CALN1: variants seen among roughly 807,000 people sequenced by gnomAD.
CALN1 encodes calneuron 1.
Under a neutral mutation model 30.6 loss-of-function variants are expected in CALN1, and 17 were observed. The observed-to-expected ratio is 0.56, with a 90% CI of 0.38 to 0.83. CALN1 has a LOEUF of 0.83. Among genes scored for constraint, CALN1 ranks in the 40% least tolerant of loss-of-function variants. The pLI, the probability that CALN1 is intolerant of heterozygous loss-of-function variation, is 0.00. For missense variants in CALN1, 291 were observed against 354.9 expected (o/e 0.82, Z 1.45); for synonymous variants, 156 against 131.4 (o/e 1.19, Z -1.28).
chr7:72,127,941 GA>G (rs1189390818), intron 3 of CALN1, among the ~76,000 whole-genome samples: 1 of 152,132 alleles, frequency 6.6e-6, no homozygotes, highest in Non-Finnish European at 1.5e-5. Flanking sequence ...GAAATGATAT[GA>G]CATATGGGTT....
intron 3 of CALN1, among the ~76,000 whole-genome samples, chr7:72,251,150 C>A (rs1319679943): frequency 6.6e-6 from 1 of 152,150 alleles, no homozygotes; most frequent in Admixed American, 6.5e-5. Flanking sequence ...GTACCCTAAG[C>A]CCTCAGACCT....
chr7:72,344,750 T>C (rs1200847215), intron 2 of CALN1, among the ~76,000 whole-genome samples: 1 of 147,470 alleles, frequency 6.8e-6, no homozygotes, highest in Non-Finnish European at 1.5e-5. Context: ...GGAATATAAA[T>C]GGCTTTTTGC....
chr7:71,794,584 C>A (rs1294056356), intron 6 of CALN1, among the ~76,000 whole-genome samples: 3 of 152,158 alleles, frequency 2.0e-5, no homozygotes, highest in African/African-American at 7.2e-5. Context: ...CTCTGCTCAT[C>A]TCAAGAATTA....
In CALN1 at chr7:71,825,082, C is replaced by T. The variant is rs143706261; in HGVS notation, c.502-14590G>A. Among the ~76,000 whole-genome samples, 323 of 152,322 alleles carry T rather than the reference C, an allele frequency of 2.1e-3. 4 individuals are homozygous for T. The highest frequency in any genetic ancestry group is 9.1e-4 in the Non-Finnish European group (62 of 68,032). On this transcript the variant is annotated intron_variant, in intron 5 of 6. Transcript: ENST00000395275. ...CTTGGTCCCCACAGCGCAAACAATG[C>T]AGCCTCTTCTATCAAATAAGCAGAC...
intron 3 of CALN1, among the ~76,000 whole-genome samples, chr7:72,143,960 G>A (rs1349910334): frequency 6.6e-6 from 1 of 152,150 alleles, no homozygotes; most frequent in African/African-American, 2.4e-5. Flanking sequence ...TGCCCTACAA[G>A]AGCTCCTGAA....
At chr7:72,219,812 T>C (rs960867417) in intron 3 of CALN1, among the ~76,000 whole-genome samples, 5 of 152,038 alleles carry the variant, frequency 3.3e-5, no homozygotes, top group African/African-American at 1.2e-4. Flanking sequence ...TAGGAGACAT[T>C]TCAATGGCTG....
intron 5 of CALN1, among the ~76,000 whole-genome samples, chr7:71,877,221 G>A (rs1216785878): frequency 6.6e-6 from 1 of 152,110 alleles, no homozygotes; most frequent in South Asian, 2.1e-4. Context: ...CCACTTAAAT[G>A]TATTAAAGAC....
chr7:72,148,653 C>A (rs1254075099), intron 3 of CALN1, among the ~76,000 whole-genome samples: 1 of 151,958 alleles, frequency 6.6e-6, no homozygotes, highest in East Asian at 1.9e-4. Context: ...GCCTGTAATC[C>A]CAGCACTTTG....
intron 4 of CALN1, among the ~76,000 whole-genome samples, chr7:72,096,088 GATAA>G (rs748767642): frequency 1.3e-5 from 2 of 150,274 alleles, no homozygotes; most frequent in African/African-American, 4.9e-5. Context: ...TAGATAGATA[GATAA>G]AGATAGATAG....
chr7:72,084,177 C>A (rs1448817779), intron 4 of CALN1, among the ~76,000 whole-genome samples: 3 of 152,014 alleles, frequency 2.0e-5, no homozygotes, highest in Admixed American at 1.3e-4. Context: ...CCATTGCACT[C>A]CAGCCTGGGT....
rs968680215 is a variant in CALN1 at position 72,280,908 on chromosome 7, C to T, written c.120-2098G>A. 5.3e-5 allele frequency among the ~76,000 whole-genome samples: 8 copies of T among 152,044 alleles called. 1 individual carries two copies. The highest frequency in any genetic ancestry group is 5.2e-4 in the Admixed American group (8 of 15,260). ...CTGTAATCCCAGCACTTTGGGAGACCTAGGCAGGTGGATCACCTGAGGTCA... is the reference window on the plus strand; with the variant it reads ...CTGTAATCCCAGCACTTTGGGAGACTTAGGCAGGTGGATCACCTGAGGTCA... On this transcript the variant is annotated intron_variant, in intron 2 of 6. Transcript: ENST00000395275.
chr7:71,784,507 T>C lies in CALN1; in HGVS notation c.*3268A>G. 1 of 279,058 alleles carries C rather than the reference T, an allele frequency of 3.6e-6. No individual in the cohort carries two copies. Among genetic ancestry groups the C allele is most frequent in the South Asian group, 1.7e-4 (1 of 5,874 alleles). The allele number at this position is 279,058 out of a possible 1,614,324, so 17.3% of individuals were successfully genotyped here. A position where few individuals can be genotyped will look rare whatever the true frequency, so the allele number is the denominator to read the frequency against. On this transcript the variant is annotated 3_prime_UTR_variant, in exon 7 of 7. Coordinates refer to ENST00000395275, the MANE Select transcript of CALN1 (RefSeq NM_031468.4). ...CATTGCTAATAGTCCCGATGCTAGATTCTGTCTGGGGGCTTTGTGGGTATC... is the reference window on the plus strand; with the variant it reads ...CATTGCTAATAGTCCCGATGCTAGACTCTGTCTGGGGGCTTTGTGGGTATC...
chr7:72,378,067 A>T (rs1000392781), intron 2 of CALN1, among the ~76,000 whole-genome samples: 1 of 151,370 alleles, frequency 6.6e-6, no homozygotes, highest in Admixed American at 6.6e-5. Flanking sequence ...CCATTGGCTT[A>T]AACAGCAGGA....
rs546775424 is a variant in CALN1 at position 71,941,116 on chromosome 7, G to A, written c.501+82541C>T. 4.2e-4 allele frequency among the ~76,000 whole-genome samples: 64 copies of A among 152,230 alleles called. 1 individual carries two copies. In the South Asian group the frequency reaches 0.012, roughly 30 times the overall value. On this transcript the variant is annotated intron_variant, in intron 5 of 6. Transcript: ENST00000395275. ...AATCCCAGCACTTTGGGAGGCCAAG[G>A]TGGGCGGATCACCTGAGGTCAAGAG...
intron 3 of CALN1, among the ~76,000 whole-genome samples, chr7:72,192,674 T>C (rs945252940): frequency 1.5e-5 from 2 of 136,358 alleles, no homozygotes; most frequent in African/African-American, 5.5e-5. Context: ...ATTATTATTA[T>C]ACTTTAAGTT....
the CALN1 span, among the ~76,000 whole-genome samples, chr7:72,474,911 C>T: frequency 6.6e-6 from 1 of 152,160 alleles, no homozygotes; most frequent in African/African-American, 2.4e-5. Context: ...GAACCTGAAA[C>T]ACCCTCTCAA....
rs1329336483 is a variant in CALN1 at position 72,349,298 on chromosome 7, G to GTT, written c.119+53952_119+53953insAA. Reference sequence around the variant, plus strand: ...CACGCGTGCTTGTGTGTGTGTGTGTGTGTGTGTGTGTGTGTGTGTGTGTGT... The same window carrying GTT: ...CACGCGTGCTTGTGTGTGTGTGTGTGTTTGTGTGTGTGTGTGTGTGTGTGTGT... On this transcript the variant is annotated intron_variant, in intron 2 of 6. Transcript: ENST00000395275. 2.8e-3 allele frequency among the ~76,000 whole-genome samples: 423 copies of GTT among 150,168 alleles called. 2 individuals carry two copies. The highest frequency in any genetic ancestry group is 9.9e-3 in the African/African-American group (407 of 41,162).
intron 3 of CALN1, among the ~76,000 whole-genome samples, chr7:72,114,858 G>C (rs1807855835): frequency 6.6e-6 from 1 of 152,112 alleles, no homozygotes; most frequent in Non-Finnish European, 1.5e-5. Flanking sequence ...GCTGGGCGTA[G>C]TGGCACATGC....
chr7:72,175,808 G>A (rs1285124867), intron 3 of CALN1, among the ~76,000 whole-genome samples: 4 of 152,090 alleles, frequency 2.6e-5, no homozygotes, highest in African/African-American at 9.7e-5. Context: ...AGAACAGACA[G>A]TAAATCACAA....
Sources: gnomAD v4.1 joint callset for allele counts (sites outside exome capture counted in the v4.1 genomes callset) on GRCh38, gnomAD v4.1.1 for gene constraint, MANE v1.5 for transcripts, NCBI Gene and HGNC (gene_info 2026-07-23, HGNC 2026-07-21) for gene names.